The following WDR4 variants were observed in gnomAD, a reference collection of about 807,000 sequenced individuals.
WDR4 encodes the protein WDR4 tRNA N7-guanosine methyltransferase non-catalytic subunit.
WDR4 carries 47 observed loss-of-function variants against 48.6 expected under a neutral mutation model. The observed-to-expected ratio is 0.97, with a 90% CI of 0.77 to 1.23. The LOEUF is 1.23. WDR4 is among the 50% of genes most tolerant of loss of function. The pLI is 0.00. For missense variants in WDR4, 606 were observed against 551.6 expected (o/e 1.10, Z -0.99); for synonymous variants, 268 against 230.0 (o/e 1.17, Z -1.49).
rs1031436077 is a variant in WDR4, at chr21:42,862,504, G to C, written c.454-110C>G. 9.2e-6 allele frequency: 9 copies of C among 976,214 alleles called. No homozygotes were observed. Among genetic ancestry groups the C allele is most frequent in the Admixed American group, 4.3e-5 (2 of 46,212 alleles). The allele number at this position is 976,214 out of a possible 1,614,324, so 60.5% of individuals were successfully genotyped here. A position where few individuals can be genotyped will look rare whatever the true frequency, so the allele number is the denominator to read the frequency against. ...TGCAGCCTGGCCGCCAAGAGGATGA[G>C]GCCTTCGAGGACAGACCAGCGTGGC... On this transcript the variant is annotated intron_variant, in intron 4 of 10. Transcript: ENST00000398208. This position sits in a 1 kb window ranked among gnomAD's most constrained non-coding sequence, Gnocchi z 4.3.
intron 3 of WDR4, among the ~76,000 whole-genome samples, chr21:42,869,865 T>C (rs1455047919): frequency 1.3e-5 from 2 of 150,596 alleles, no homozygotes; most frequent in African/African-American, 4.9e-5. Context: ...TAGAAAAAAT[T>C]AGCCGGTCGT....
chr21:42,859,611 C>G, intron 6 of WDR4, 51 bp downstream of exon 6: 1 of 690,132 alleles, frequency 1.4e-6, no homozygotes, highest in Non-Finnish European at 2.2e-6. Context: ...ACCCCACCCT[C>G]CCTGCAGGCT....
chr21:42,866,481 G>A (rs572712180), intron 3 of WDR4, among the ~76,000 whole-genome samples: 3 of 152,182 alleles, frequency 2.0e-5, no homozygotes, highest in Non-Finnish European at 4.4e-5. Flanking sequence ...CTGAATGGAG[G>A]TGGATGTGCT....
At chr21:42,885,685 A>C in the WDR4 span, among the ~76,000 whole-genome samples, 1 of 152,258 alleles carries the variant, frequency 6.6e-6, no homozygotes, top group Non-Finnish European at 1.5e-5. Context: ...TATTGATTAG[A>C]ATGTAATTGA....
In WDR4 at chr21:42,863,608, G is replaced by A. The variant is rs7279435; in HGVS notation, c.297-12C>T. ...TCCTTGCCACGGTCCTAGAAGGCCA[G>A]AAAGACACCCCCATTAGCTTCCAGG... On this transcript the variant is annotated splice_polypyrimidine_tract_variant and intron_variant, in intron 3 of 10. Transcript: ENST00000398208. 0.14 allele frequency: 227,191 copies of A among 1,608,868 alleles called. 16,920 individuals are homozygous for A. Among genetic ancestry groups the A allele is most frequent in the East Asian group, 0.24 (10,890 of 44,624 alleles).
In WDR4 at chr21:42,852,342, GA is replaced by G; in HGVS notation, c.976-19del. 1 of 1,613,360 alleles carries G rather than the reference GA, an allele frequency of 6.2e-7. No individual in the cohort carries two copies. The highest frequency in any genetic ancestry group is 8.5e-7 in the Non-Finnish European group (1 of 1,179,704). On this transcript the variant is annotated intron_variant, in intron 9 of 10. Coordinates refer to ENST00000398208, the MANE Select transcript of WDR4 (RefSeq NM_018669.6). ...GGAACAGACTGCAGGCGACAAACAG[GA>G]AATCTTCATCAGAAAGAGGCAGGCC... is the stretch of plus-strand genomic sequence containing the variant.
downstream of WDR4, among the ~76,000 whole-genome samples, chr21:42,846,946 G>A (rs999928016): frequency 5.3e-5 from 8 of 151,092 alleles, no homozygotes; most frequent in South Asian, 2.1e-4. Flanking sequence ...GCTTGAACCC[G>A]GGAGGCGGAG....
chr21:42,859,146 G>A (rs188177991), intron 6 of WDR4, among the ~76,000 whole-genome samples: 295 of 152,130 alleles, frequency 1.9e-3, no homozygotes, highest in African/African-American at 6.3e-3. Flanking sequence ...GGGTGCGGGC[G>A]CTCGAGCCTG....
intron 8 of WDR4, 128 bp from the exon 9 acceptor site, chr21:42,853,880 G>T: frequency 9.7e-7 from 1 of 1,029,064 alleles, no homozygotes; most frequent in Non-Finnish European, 1.4e-6. Context: ...GAAAGCCCCA[G>T]CTGCGCCACT....
intron 6 of WDR4, among the ~76,000 whole-genome samples, chr21:42,857,129 A>G (rs2058014842): frequency 6.6e-6 from 1 of 151,708 alleles, no homozygotes; most frequent in South Asian, 2.1e-4. Flanking sequence ...GAGAAACGGG[A>G]CCTCCCTGAT....
chr21:42,890,468 G>A, the WDR4 span, among the ~76,000 whole-genome samples: 7 of 151,866 alleles, frequency 4.6e-5, no homozygotes, highest in African/African-American at 1.5e-4. Flanking sequence ...CCCAGGAGGC[G>A]GAGGTTTCAG....
At chr21:42,892,232 C>A in the WDR4 span, among the ~76,000 whole-genome samples, 1 of 147,014 alleles carries the variant, frequency 6.8e-6, no homozygotes, top group Non-Finnish European at 1.5e-5. Flanking sequence ...CCAGCCTGGG[C>A]TACAGAGCAA....
At chr21:42,879,167 G>GT in intron 1 of WDR4, 1 of 1,331,362 alleles carries the variant, frequency 7.5e-7, no homozygotes, top group Non-Finnish European at 9.6e-7. Context: ...CAGCCATCTA[G>GT]TGCAAGGAGC....
Position 42,879,486 on chromosome 21 carries a change from A to AGCCCGCCATGTACCC in WDR4, c.-6_9dup (p.Gly3_Ser4insGlyTyrMetAlaGly). ...TGCCCGCACAACGCCAGTCCCACAG[A>AGCCCGCCATGTACCC]GCCCGCCATGTACCCGCCCGCCTCA... is the stretch of plus-strand genomic sequence containing the variant. On this transcript the variant is annotated inframe_insertion, in exon 1 of 11. Coordinates refer to ENST00000398208, the MANE Select transcript of WDR4 (RefSeq NM_018669.6). 6.2e-7 allele frequency: 1 copy of AGCCCGCCATGTACCC among 1,613,170 alleles called. No homozygotes were observed. Among genetic ancestry groups the AGCCCGCCATGTACCC allele is most frequent in the Non-Finnish European group, 8.5e-7 (1 of 1,179,768 alleles).
chr21:42,843,431 T>C (rs2057683594), intron 11 of WDR4: 1 of 47,520 alleles, frequency 2.1e-5, no homozygotes, highest in Non-Finnish European at 4.4e-5. Flanking sequence ...TTTTTTTTTT[T>C]TGAGACCGTC....
At chr21:42,880,934 C>CTTT (rs33934531), upstream of WDR4, among the ~76,000 whole-genome samples, 31 of 143,206 alleles carry the variant, frequency 2.2e-4, no homozygotes, top group Non-Finnish European at 2.6e-4. Context: ...TCCCACTAGT[C>CTTT]TTTTTTTTTT....
chr21:42,870,957 C>A (rs1373662058), intron 3 of WDR4, among the ~76,000 whole-genome samples: 5 of 152,190 alleles, frequency 3.3e-5, no homozygotes, highest in Non-Finnish European at 5.9e-5. Flanking sequence ...ATCCTCCAAA[C>A]CACAACTCCT....
chr21:42,871,123 A>C (rs2058361091), intron 3 of WDR4, among the ~76,000 whole-genome samples: 1 of 152,068 alleles, frequency 6.6e-6, no homozygotes, highest in Admixed American at 6.6e-5. Flanking sequence ...CAAAAGGACG[A>C]CTCTGTGAGG....
chr21:42,874,058 A>G (rs1168289781), intron 2 of WDR4, among the ~76,000 whole-genome samples: 2 of 152,214 alleles, frequency 1.3e-5, no homozygotes, highest in African/African-American at 4.8e-5. Context: ...GCTCAGACCT[A>G]TAATCTCAGC....
Sources: gnomAD v4.1 joint callset for allele counts (sites outside exome capture counted in the v4.1 genomes callset) on GRCh38, gnomAD v4.1.1 for gene constraint, Gnocchi (gnomAD v3.1) non-coding constraint, MANE v1.5 for transcripts, NCBI Gene and HGNC (gene_info 2026-07-23, HGNC 2026-07-21) for gene names.